The following ARHGAP26 variants were observed in gnomAD, a reference collection of about 807,000 sequenced individuals.
The protein encoded by ARHGAP26 is rho GTPase-activating protein 26.
In ARHGAP26, 38 loss-of-function variants were observed where a neutral mutation model predicts 104.8. The ratio of observed to expected loss-of-function variants is 0.36; its 90% CI spans 0.28 to 0.48. ARHGAP26 has a LOEUF of 0.48. Among genes scored for constraint, ARHGAP26 ranks in the 20% least tolerant of loss-of-function variants. The probability of loss-of-function intolerance (pLI) is 0.99; values close to 1 mark genes in which losing one functional copy is unlikely to be tolerated. For synonymous variants in ARHGAP26, 341 were observed against 340.0 expected (o/e 1.00, Z -0.03); for missense variants, 704 against 947.9 (o/e 0.74, Z 3.38).
chr5:143,177,083 T>A (rs1562557425), intron 20 of ARHGAP26, among the ~76,000 whole-genome samples: 1 of 152,240 alleles, frequency 6.6e-6, no homozygotes. Flanking sequence ...ATTTGCCTGT[T>A]AGTTCTGTTG....
At chr5:143,207,537 G>A in intron 21 of ARHGAP26, 1 of 1,575,872 alleles carries the variant, frequency 6.3e-7, no homozygotes, top group Middle Eastern at 1.7e-4. Context: ...GACAACAGGG[G>A]GCTGCCCCTG....
At chr5:143,017,577 C>G (rs1256075570) in intron 12 of ARHGAP26, among the ~76,000 whole-genome samples, 1 of 152,108 alleles carries the variant, frequency 6.6e-6, no homozygotes, top group Non-Finnish European at 1.5e-5. Context: ...AAATGTGTGT[C>G]TTTTATCTTC....
chr5:143,047,894 C>G (rs1784440063), intron 14 of ARHGAP26, among the ~76,000 whole-genome samples: 1 of 152,048 alleles, frequency 6.6e-6, no homozygotes, highest in African/African-American at 2.4e-5. Flanking sequence ...TGTTGGCTCA[C>G]TGCAGTGGCT....
intron 1 of ARHGAP26, among the ~76,000 whole-genome samples, chr5:142,780,527 A>G (rs1757284015): frequency 2.6e-5 from 4 of 152,246 alleles, no homozygotes; most frequent in Admixed American, 2.6e-4. Flanking sequence ...TCTGTAAATA[A>G]AACAATACTT....
intron 1 of ARHGAP26, among the ~76,000 whole-genome samples, chr5:142,818,508 G>C (rs1295654488): frequency 6.6e-6 from 1 of 152,306 alleles, no homozygotes; most frequent in East Asian, 1.9e-4. Flanking sequence ...TGGGGTCTCT[G>C]TCCTGTCCTT....
intron 11 of ARHGAP26, among the ~76,000 whole-genome samples, chr5:142,966,135 C>T (rs1771283958): frequency 6.6e-6 from 1 of 152,122 alleles, no homozygotes; most frequent in Non-Finnish European, 1.5e-5. Flanking sequence ...TTGACACACA[C>T]ACTTCTCTTT....
intron 20 of ARHGAP26, among the ~76,000 whole-genome samples, chr5:143,161,131 C>A (rs1236710083): frequency 6.6e-6 from 1 of 151,756 alleles, no homozygotes; most frequent in Non-Finnish European, 1.5e-5. Context: ...CATGCCTCAG[C>A]CTCATGAGTA....
chr5:142,771,486 A>G (rs776201423), intron 1 of ARHGAP26: 173 of 1,098,742 alleles, frequency 1.6e-4, no homozygotes, highest in Admixed American at 1.0e-3. Context: ...ATTGGCAGCC[A>G]GTAATCTCTA....
chr5:143,159,729 T>G lies in ARHGAP26; in HGVS notation c.1988+12348T>G, dbSNP rs555893157. Among the ~76,000 whole-genome samples, 6 of 152,296 alleles carry G rather than the reference T, an allele frequency of 3.9e-5. No individual in the cohort carries two copies. In the South Asian group the frequency reaches 1.2e-3, roughly 32 times the overall value. ...CATCAGTGTACATTATATGATACTA[T>G]TTTATATAAGAATCCAGGGATATAG... On this transcript the variant is annotated intron_variant, in intron 20 of 22. Transcript: ENST00000645722.
chr5:142,871,993 G>C lies in ARHGAP26; in HGVS notation c.155-1407G>C, dbSNP rs1246383375. On this transcript the variant is annotated intron_variant, in intron 1 of 22. Transcript: ENST00000645722. The surrounding 1 kb of genome is among the most constrained non-coding windows in gnomAD (Gnocchi z 4.1). ...GTGTGGGAGGGCAGTCCAGGAGCAG[G>C]AGCTGCAGCTGCTGTCCATGCAGTA... 6.6e-6 allele frequency among the ~76,000 whole-genome samples: 1 copy of C among 152,168 alleles called. No individual in the cohort carries two copies. Among genetic ancestry groups the C allele is most frequent in the African/African-American group, 2.4e-5 (1 of 41,436 alleles).
At chr5:142,886,184 C>G (rs570139879) in intron 5 of ARHGAP26, among the ~76,000 whole-genome samples, 39 of 152,318 alleles carry the variant, frequency 2.6e-4, no homozygotes, top group Admixed American at 6.5e-4. Flanking sequence ...TGCTTGACCT[C>G]TGTCATATGT....
chr5:143,046,715 T>G (rs1235697447), intron 14 of ARHGAP26, among the ~76,000 whole-genome samples: 1 of 152,248 alleles, frequency 6.6e-6, no homozygotes, highest in Non-Finnish European at 1.5e-5. Flanking sequence ...CTATACTATT[T>G]AATATGTAAA....
At chr5:143,156,879 G>A (rs1286244699) in intron 20 of ARHGAP26, among the ~76,000 whole-genome samples, 2 of 152,232 alleles carry the variant, frequency 1.3e-5, no homozygotes, top group African/African-American at 4.8e-5. Flanking sequence ...CCCCCCAAAA[G>A]CCCAGTCAGC....
At chr5:142,994,955 G>C (rs1273467133) in intron 11 of ARHGAP26, among the ~76,000 whole-genome samples, 2 of 152,130 alleles carry the variant, frequency 1.3e-5, no homozygotes, top group Non-Finnish European at 2.9e-5. Flanking sequence ...AAATGGTGTT[G>C]GGAAAACTGG....
chr5:142,858,936 T>G (rs1355663519), intron 1 of ARHGAP26, among the ~76,000 whole-genome samples: 1 of 152,204 alleles, frequency 6.6e-6, no homozygotes, highest in Non-Finnish European at 1.5e-5. Context: ...GGACAAGTGC[T>G]AGGCTTTGTG....
intron 17 of ARHGAP26, among the ~76,000 whole-genome samples, chr5:143,101,110 A>T (rs1395972868): frequency 6.6e-6 from 1 of 152,102 alleles, no homozygotes; most frequent in East Asian, 1.9e-4. Context: ...AAACAAACAA[A>T]CAAAAAACCA....
intron 5 of ARHGAP26, among the ~76,000 whole-genome samples, chr5:142,887,393 A>G (rs2152410623): frequency 6.6e-6 from 1 of 152,292 alleles, no homozygotes; most frequent in Non-Finnish European, 1.5e-5. Flanking sequence ...TATCTGTCCT[A>G]CTTATGTTAT....
At chr5:142,771,521 G>T in intron 1 of ARHGAP26, 2 of 853,714 alleles carry the variant, frequency 2.3e-6, no homozygotes, top group Non-Finnish European at 3.1e-6. Context: ...ACGTGCGCAG[G>T]TTCTGATTCT....
intron 12 of ARHGAP26, among the ~76,000 whole-genome samples, chr5:143,016,758 G>GT (rs923349769): frequency 2.5e-4 from 37 of 149,288 alleles, no homozygotes; most frequent in African/African-American, 8.9e-4. Context: ...AATAGGAATT[G>GT]TTTTTTTAGG....
Sources: gnomAD v4.1 joint callset for allele counts (sites outside exome capture counted in the v4.1 genomes callset) on GRCh38, gnomAD v4.1.1 for gene constraint, Gnocchi (gnomAD v3.1) non-coding constraint, MANE v1.5 for transcripts, NCBI Gene and HGNC (gene_info 2026-07-23, HGNC 2026-07-21) for gene names.